Variants in ATP9B observed in about 807,000 individuals in gnomAD.
ATP9B encodes the protein probable phospholipid-transporting ATPase IIB.
ATP9B carries 110 observed loss-of-function variants against 146.1 expected under a neutral mutation model. That is an observed-to-expected ratio of 0.75 (90% CI 0.65 to 0.88). The LOEUF (loss-of-function observed/expected upper bound fraction) is 0.88. Among genes scored for constraint, ATP9B ranks in the 40% least tolerant of loss-of-function variants. ATP9B has a pLI of 0.00. For missense variants in ATP9B, 1,499 were observed against 1,496.4 expected (o/e 1.00, Z -0.03); for synonymous variants, 604 against 569.7 (o/e 1.06, Z -0.86).
At chr18:79,209,952 A>G (rs966362616) in intron 10 of ATP9B, among the ~76,000 whole-genome samples, 8 of 151,980 alleles carry the variant, frequency 5.3e-5, no homozygotes, top group Admixed American at 6.6e-5. Flanking sequence ...AATTCCTTTT[A>G]CTCTTATACT....
intron 1 of ATP9B, among the ~76,000 whole-genome samples, chr18:79,082,018 A>C (rs1394014271): frequency 6.6e-6 from 1 of 152,010 alleles, no homozygotes; most frequent in African/African-American, 2.4e-5. Flanking sequence ...ACTTGGTTCC[A>C]TTCTCCCCGT....
At chr18:79,171,511 T>C (rs993813282) in intron 7 of ATP9B, among the ~76,000 whole-genome samples, 1 of 152,194 alleles carries the variant, frequency 6.6e-6, no homozygotes, top group South Asian at 2.1e-4. Flanking sequence ...AATTAATGAC[T>C]CCTGGGAAGT....
intron 26 of ATP9B, among the ~76,000 whole-genome samples, chr18:79,369,888 C>T (rs2097059255): frequency 1.3e-5 from 2 of 152,212 alleles, no homozygotes; most frequent in African/African-American, 4.8e-5. Context: ...CACCTGAGGT[C>T]AGGAGTTCAA....
chr18:79,147,480 CAG>C (rs1329129137), intron 6 of ATP9B, among the ~76,000 whole-genome samples: 3 of 152,158 alleles, frequency 2.0e-5, no homozygotes, highest in Non-Finnish European at 2.9e-5. Flanking sequence ...TGAAATCACA[CAG>C]AGTGTGTTCT....
chr18:79,153,912 T>C (rs1227586869), intron 6 of ATP9B, among the ~76,000 whole-genome samples: 2 of 151,536 alleles, frequency 1.3e-5, no homozygotes, highest in African/African-American at 4.8e-5. Context: ...CCTTCCAAAG[T>C]ACTGGGATTA....
Position 79,149,532 on chromosome 18 carries a change from A to G in ATP9B, c.727-4972A>G, listed in dbSNP as rs375943102. 2.6e-4 allele frequency among the ~76,000 whole-genome samples: 39 copies of G among 152,318 alleles called. No homozygotes were observed. In the East Asian group the frequency reaches 4.8e-3, roughly 19 times the overall value. On this transcript the variant is annotated intron_variant, in intron 6 of 29. Transcript: ENST00000426216. ...GAAAATATTTCTTAGACTTGATACC[A>G]AAAGGACAATGTGTAAAAGGAAAAA...
At chr18:79,302,922 T>C (rs1226304287) in intron 13 of ATP9B, among the ~76,000 whole-genome samples, 1 of 152,208 alleles carries the variant, frequency 6.6e-6, no homozygotes, top group Non-Finnish European at 1.5e-5. Flanking sequence ...TCTCAGGCAG[T>C]GTTCTATATT....
intron 6 of ATP9B, among the ~76,000 whole-genome samples, chr18:79,150,167 T>C (rs1484568188): frequency 1.3e-5 from 2 of 152,076 alleles, no homozygotes; most frequent in Non-Finnish European, 2.9e-5. Context: ...CAATGAAATA[T>C]CAGTATGCAT....
At chr18:79,125,083 A>G (rs117915481) in intron 4 of ATP9B, among the ~76,000 whole-genome samples, 4,991 of 152,314 alleles carry the variant, frequency 0.033, 144 homozygotes, top group Non-Finnish European at 0.047. Context: ...TTACTTGAGA[A>G]TAGTTTTAGT....
chr18:79,084,111 C>G (rs2073569372), intron 1 of ATP9B, among the ~76,000 whole-genome samples: 1 of 151,782 alleles, frequency 6.6e-6, no homozygotes, highest in African/African-American at 2.4e-5. Context: ...CCCGCCTCGG[C>G]CTCCCAAATT....
At chr18:79,129,494 C>T (rs532860513) in intron 5 of ATP9B, among the ~76,000 whole-genome samples, 1 of 152,230 alleles carries the variant, frequency 6.6e-6, no homozygotes, top group South Asian at 2.1e-4. Context: ...GGTTTGTTTC[C>T]TCCTCCCCCC....
At chr18:79,147,143 A>G (rs1316311689) in intron 6 of ATP9B, among the ~76,000 whole-genome samples, 1 of 152,264 alleles carries the variant, frequency 6.6e-6, no homozygotes, top group Non-Finnish European at 1.5e-5. Flanking sequence ...GGATTAATCC[A>G]TCAGGAAGAT....
intron 10 of ATP9B, among the ~76,000 whole-genome samples, chr18:79,207,259 G>A (rs1007982744): frequency 6.6e-6 from 1 of 152,180 alleles, no homozygotes; most frequent in Non-Finnish European, 1.5e-5. Context: ...CCTTCGTGCA[G>A]GAGTACAGGG....
At chr18:79,232,422 C>T (rs1260250845) in intron 11 of ATP9B, among the ~76,000 whole-genome samples, 2 of 152,154 alleles carry the variant, frequency 1.3e-5, no homozygotes, top group Non-Finnish European at 2.9e-5. Context: ...ATAGGCAAAA[C>T]CAAGGACATG....
intron 11 of ATP9B, among the ~76,000 whole-genome samples, chr18:79,241,946 T>A (rs930965935): frequency 1.3e-5 from 2 of 152,232 alleles, no homozygotes; most frequent in Non-Finnish European, 2.9e-5. Flanking sequence ...ACCTGCACTT[T>A]GGAGTCCCTC....
chr18:79,322,994 T>C lies in ATP9B; in HGVS notation c.1774-6147T>C, dbSNP rs1377636120. Among the ~76,000 whole-genome samples, 6 of 152,378 alleles carry C rather than the reference T, an allele frequency of 3.9e-5. No individual in the cohort carries two copies. In the East Asian group the frequency reaches 7.7e-4, roughly 20 times the overall value. ...ATTATTCTGGGTACGTAATAGTACA[T>C]ACTTATGGGGTACATGTGATATTTG... On this transcript the variant is annotated intron_variant, in intron 15 of 29. Transcript: ENST00000426216.
At chr18:79,075,923 AT>A (rs1205092642) in intron 1 of ATP9B, among the ~76,000 whole-genome samples, 1 of 151,942 alleles carries the variant, frequency 6.6e-6, no homozygotes, top group Non-Finnish European at 1.5e-5. Flanking sequence ...TCTTCAGTGT[AT>A]TTCTTTGTGT....
At position 79,337,438 on chromosome 18, in the gene ATP9B, G is replaced by A. The variant is rs554790401; in HGVS notation, c.2272G>A (p.Ala758Thr). ...GCCCACGCTGGAGATGCTGCGCAAC[G>A]CCGGGATCAAGGTACTGCAGGCTCA... ...VRPTLEMLRN[A>T]GIKIWMLTGD... is the part of the protein sequence containing the mutation. Residue 758 changes from alanine (A) to threonine (T), a missense_variant, in exon 19 of 30, where the codon GCC (alanine) becomes ACC (threonine). By Grantham distance (58) the Ala-to-Thr change is moderately conservative. Transcript: ENST00000426216. 8.1e-6 allele frequency: 13 copies of A among 1,610,758 alleles called. No individual in the cohort carries two copies. The highest frequency in any genetic ancestry group is 2.7e-5 in the African/African-American group (2 of 74,932).
intron 13 of ATP9B, among the ~76,000 whole-genome samples, chr18:79,301,070 T>G (rs1343529069): frequency 6.6e-6 from 1 of 152,242 alleles, no homozygotes; most frequent in Non-Finnish European, 1.5e-5. Flanking sequence ...AGAGAGCTGC[T>G]TACTTGGGCA....
Sources: gnomAD v4.1 joint callset for allele counts (sites outside exome capture counted in the v4.1 genomes callset) on GRCh38, gnomAD v4.1.1 for gene constraint, MANE v1.5 for transcripts, NCBI Gene and HGNC (gene_info 2026-07-23, HGNC 2026-07-21) for gene names.